FRY: variants seen among roughly 807,000 people sequenced by gnomAD.
The protein encoded by FRY is protein furry homolog.
In FRY, 128 loss-of-function variants were observed where a neutral mutation model predicts 348.4. The observed-to-expected ratio is 0.37, with a 90% CI of 0.32 to 0.43. The LOEUF is 0.43. Among genes scored for constraint, FRY ranks in the 20% least tolerant of loss-of-function variants. The pLI, the probability that FRY is intolerant of heterozygous loss-of-function variation, is 1.00. For missense variants in FRY, 2,736 were observed against 3,695.2 expected, an observed-to-expected ratio of 0.74 and a Z score of 6.73; for synonymous variants, 1,370 against 1,374.7, an observed-to-expected ratio of 1.00 and a Z score of 0.08.
intron 49 of FRY, 150 bp downstream of exon 49, chr13:32,249,837 G>A: frequency 1.4e-6 from 1 of 721,070 alleles, no homozygotes; most frequent in Non-Finnish European, 2.5e-6. Flanking sequence ...GGCATTCCAA[G>A]GAACCCATTT....
intron 2 of FRY, among the ~76,000 whole-genome samples, chr13:32,084,968 C>T (rs415482): frequency 0.68 from 103,516 of 151,986 alleles, 35,436 homozygotes; most frequent in Non-Finnish European, 0.69. Flanking sequence ...ACAGTACATG[C>T]TTTTTGAATG....
At chr13:32,038,864 A>C (rs1872646068) in intron 1 of FRY, among the ~76,000 whole-genome samples, 1 of 152,182 alleles carries the variant, frequency 6.6e-6, no homozygotes, top group African/African-American at 2.4e-5. Flanking sequence ...ATACCTGTTT[A>C]CTGAGCATCA....
intron 55 of FRY, among the ~76,000 whole-genome samples, chr13:32,268,495 A>ATAT (rs1888030210): frequency 1.3e-4 from 2 of 15,162 alleles, no homozygotes; most frequent in African/African-American, 3.5e-4. Flanking sequence ...TTAAAAAAAA[A>ATAT]AAAAAAAAAA....
chr13:32,115,497 C>T (rs1361629791), intron 3 of FRY, among the ~76,000 whole-genome samples: 1 of 152,158 alleles, frequency 6.6e-6, no homozygotes, highest in East Asian at 1.9e-4. Context: ...ATTCAAAAAT[C>T]TTTAGAGTCT....
At chr13:32,218,669 C>A in intron 35 of FRY, 80 bp from the exon 36 acceptor site, 1 of 753,072 alleles carries the variant, frequency 1.3e-6, no homozygotes, top group Non-Finnish European at 2.2e-6. Context: ...CAGAGTGAGA[C>A]TCCAACTCAA....
At chr13:32,284,315 A>C (rs1888948564) in intron 58 of FRY, among the ~76,000 whole-genome samples, 1 of 152,210 alleles carries the variant, frequency 6.6e-6, no homozygotes, top group African/African-American at 2.4e-5. Context: ...CTATCTACAT[A>C]ATCTATGAAT....
chr13:32,188,458 A>G (rs1883150265), intron 28 of FRY, among the ~76,000 whole-genome samples: 1 of 152,170 alleles, frequency 6.6e-6, no homozygotes, highest in Non-Finnish European at 1.5e-5. Flanking sequence ...AATTGCCCTC[A>G]TTTGATGAGA....
intron 39 of FRY, among the ~76,000 whole-genome samples, chr13:32,227,615 A>G (rs1885648813): frequency 1.3e-5 from 2 of 152,250 alleles, no homozygotes. Flanking sequence ...TTTGAATACC[A>G]TAAAACATAT....
chr13:32,134,979 C>T lies in FRY; in HGVS notation c.961C>T (p.Leu321Phe). The change falls in exon 9 of 61, where the codon CTT (leucine) becomes TTT (phenylalanine). Residue 321 changes from leucine (L) to phenylalanine (F), a missense_variant. This residue lies in a region of FRY where 309 missense variants were observed against 418.1 expected (regional missense o/e 0.74). Coordinates refer to ENST00000542859, the MANE Select transcript of FRY (RefSeq NM_023037.3). ...HALAGLFVEI[L>F]VPVAAAVKNE... ...CTTGGCTGGGCTTTTTGTTGAAATA[C>T]TTGTTCCAGTTGCTGCTGTGAGTTT... The T allele has an allele frequency of 1.2e-6, 2 of 1,611,126 alleles. No individual in the cohort carries two copies.
At chr13:32,222,552 G>A (rs1488548581) in intron 36 of FRY, among the ~76,000 whole-genome samples, 1 of 152,216 alleles carries the variant, frequency 6.6e-6, no homozygotes, top group Non-Finnish European at 1.5e-5. Context: ...TGCAGGACAA[G>A]GATGGAAGCA....
At chr13:32,257,071 C>A (rs1252738616) in intron 51 of FRY, among the ~76,000 whole-genome samples, 1 of 152,180 alleles carries the variant, frequency 6.6e-6, no homozygotes, top group Non-Finnish European at 1.5e-5. Flanking sequence ...TAGGTCCCAT[C>A]CCCAAGATAT....
At position 32,131,831 on chromosome 13, in the gene FRY, G is replaced by A; in HGVS notation, c.876G>A (p.Gln292=). Residue 292 remains glutamine, a synonymous_variant, in exon 8 of 61, where the codon CAG becomes CAA. Transcript: ENST00000542859. ...TGGAGGATTTTGAGGCCTCTCTTCA[G>A]TTTATGCAGGTAATGTCTTAGGCAG... ...YPVEDFEASL[Q]FMQECAHYFL... 6.2e-7 allele frequency: 1 copy of A among 1,612,996 alleles called. No individual in the cohort carries two copies. Among genetic ancestry groups the A allele is most frequent in the South Asian group, 1.1e-5 (1 of 91,048 alleles).
chr13:32,051,621 C>T (rs1873335194), intron 1 of FRY, among the ~76,000 whole-genome samples: 1 of 152,174 alleles, frequency 6.6e-6, no homozygotes, highest in African/African-American at 2.4e-5. Flanking sequence ...AAGTTTGTAT[C>T]AGGAAATCAC....
At chr13:32,202,625 A>T in intron 31 of FRY, 98 bp downstream of exon 31, 1 of 1,117,900 alleles carries the variant, frequency 8.9e-7, no homozygotes. Context: ...CTTTGCTCTA[A>T]GTAATTTTTC....
At chr13:32,160,512 C>T (rs1211440761) in intron 16 of FRY, among the ~76,000 whole-genome samples, 1 of 152,182 alleles carries the variant, frequency 6.6e-6, no homozygotes, top group Non-Finnish European at 1.5e-5. Context: ...CATTAATTAT[C>T]ATTAAACATT....
chr13:32,225,849 T>C lies in FRY; in HGVS notation c.5081T>C (p.Leu1694Ser). The C allele has an allele frequency of 1.2e-6, 2 of 1,614,140 alleles. No homozygotes were observed. Among genetic ancestry groups the C allele is most frequent in the Admixed American group, 1.7e-5 (1 of 60,024 alleles). Residue 1694 changes from leucine (L) to serine (S), a missense_variant, in exon 39 of 61, where the codon TTG becomes TCG. Transcript: ENST00000542859. ...AGCAAAAAACTGCTTCTTCACCTCT[T>C]GATTGCCCTCTCTTGCAACAGCAAT... ...EHSKKLLLHLLIALSCNSNFH... is the reference protein window; with the variant it reads ...EHSKKLLLHLSIALSCNSNFH...
intron 40 of FRY, among the ~76,000 whole-genome samples, chr13:32,230,320 A>G (rs1001000877): frequency 6.6e-6 from 1 of 152,130 alleles, no homozygotes; most frequent in Non-Finnish European, 1.5e-5. Flanking sequence ...AACATGCGGT[A>G]TTTGGTTGTC....
At chr13:32,170,036 A>G (rs1418988984) in intron 17 of FRY, among the ~76,000 whole-genome samples, 1 of 152,052 alleles carries the variant, frequency 6.6e-6, no homozygotes, top group African/African-American at 2.4e-5. Flanking sequence ...CCTAGCTTCT[A>G]CCCACTAGAG....
chr13:32,280,811 G>A (rs1888774294), intron 58 of FRY, among the ~76,000 whole-genome samples: 1 of 152,116 alleles, frequency 6.6e-6, no homozygotes, highest in South Asian at 2.1e-4. Context: ...TAGCTTCCGG[G>A]TTAACCCTAA....
Sources: allele counts gnomAD v4.1 joint callset (sites outside exome capture counted in the v4.1 genomes callset), GRCh38; gene constraint gnomAD v4.1.1; regional missense constraint gnomAD v4.1.1; transcripts MANE v1.5; gene names NCBI Gene and HGNC (gene_info 2026-07-23, HGNC 2026-07-21).